The following PLPPR1 variants were observed in gnomAD, a reference collection of about 807,000 sequenced individuals.
PLPPR1 encodes phospholipid phosphatase-related protein type 1.
Under a neutral mutation model 33.1 loss-of-function variants are expected in PLPPR1, and 10 were observed. That is an observed-to-expected ratio of 0.30 (90% CI 0.19 to 0.51). The LOEUF (loss-of-function observed/expected upper bound fraction) is 0.51, where lower values mean the gene tolerates loss of function less well. Ranked by LOEUF, PLPPR1 falls within the 20% of genes least tolerant of loss-of-function variation. The pLI is 0.97. For synonymous variants in PLPPR1, 151 were observed against 151.0 expected (o/e 1.00, Z 0.00); for missense variants, 304 against 408.1 (o/e 0.74, Z 2.20).
Position 101,080,924 on chromosome 9 carries a change from G to A in PLPPR1, c.-46+51822G>A, listed in dbSNP as rs57324683. Among the ~76,000 whole-genome samples the A allele has an allele frequency of 7.2e-5, 11 of 152,282 alleles. No individual in the cohort carries two copies. The South Asian group carries it at 8.3e-4, about 11-fold the overall frequency. On this transcript the variant is annotated intron_variant, in intron 1 of 7. Coordinates refer to ENST00000374874, the MANE Select transcript of PLPPR1 (RefSeq NM_207299.2). ...CTAACACATCTTCCTGTGTTTAGCCGTATCATCTTTCTCCCTTTCAGAAGT... is the reference window on the plus strand; with the variant it reads ...CTAACACATCTTCCTGTGTTTAGCCATATCATCTTTCTCCCTTTCAGAAGT...
chr9:101,283,273 ACAAGGCTATTAGTAAC>A (rs747369481), intron 3 of PLPPR1, among the ~76,000 whole-genome samples: 38 of 152,348 alleles, frequency 2.5e-4, no homozygotes, highest in Non-Finnish European at 4.7e-4. Flanking sequence ...TAAATATACT[ACAAGGCTATTAGTAAC>A]CAAAACAACA....
chr9:101,301,761 T>A (rs2118942500), intron 4 of PLPPR1, among the ~76,000 whole-genome samples: 1 of 152,344 alleles, frequency 6.6e-6, no homozygotes, highest in African/African-American at 2.4e-5. Context: ...GTCAGATTCA[T>A]TGCTAAAGTG....
chr9:101,124,614 G>A (rs1278068752), intron 1 of PLPPR1, among the ~76,000 whole-genome samples: 2 of 152,104 alleles, frequency 1.3e-5, no homozygotes, highest in South Asian at 2.1e-4. Context: ...TGAGAAACAG[G>A]CCCCTTCTAA....
intron 6 of PLPPR1, 108 bp downstream of exon 6, chr9:101,313,082 G>T: frequency 1.1e-6 from 1 of 928,006 alleles, no homozygotes; most frequent in Non-Finnish European, 1.7e-6. Context: ...TCCCAACCTT[G>T]TGAATTACAA....
chr9:101,091,529 C>T (rs1349451400), intron 1 of PLPPR1, among the ~76,000 whole-genome samples: 4 of 152,128 alleles, frequency 2.6e-5, no homozygotes, highest in African/African-American at 9.7e-5. Context: ...TCTTACACTG[C>T]CAATTCCTCT....
intron 2 of PLPPR1, among the ~76,000 whole-genome samples, chr9:101,254,039 A>G (rs1051140693): frequency 6.6e-6 from 1 of 152,072 alleles, no homozygotes; most frequent in Non-Finnish European, 1.5e-5. Context: ...GAAAATCTAG[A>G]CCAGCAGTCC....
intron 1 of PLPPR1, among the ~76,000 whole-genome samples, chr9:101,076,144 C>T (rs543638997): frequency 6.6e-6 from 1 of 152,176 alleles, no homozygotes; most frequent in South Asian, 2.1e-4. Flanking sequence ...TCTCCAGGCC[C>T]ACCCCAGACC....
chr9:101,042,264 T>C (rs986190255), intron 1 of PLPPR1, among the ~76,000 whole-genome samples: 2 of 152,188 alleles, frequency 1.3e-5, no homozygotes, highest in African/African-American at 2.4e-5. Flanking sequence ...TGAAATCTTT[T>C]CCCTCTCTCA....
At chr9:101,218,673 TA>T (rs1259440595) in intron 2 of PLPPR1, among the ~76,000 whole-genome samples, 12 of 152,358 alleles carry the variant, frequency 7.9e-5, no homozygotes, top group African/African-American at 2.6e-4. Context: ...ATTAAAAGTT[TA>T]TTTCATTTTT....
At position 101,080,514 on chromosome 9, in the gene PLPPR1, C is replaced by G. The variant is rs117565399; in HGVS notation, c.-46+51412C>G. The stretch of plus-strand genomic sequence containing the variant: ...TGGGCAACAGAGTAAGACCCTGTTT[C>G]AAAAAATAAAATAAAAATAAACAAA... On this transcript the variant is annotated intron_variant, in intron 1 of 7. Transcript: ENST00000374874. Among the ~76,000 whole-genome samples, 12 of 152,088 alleles carry G rather than the reference C, an allele frequency of 7.9e-5. No individual in the cohort carries two copies. The East Asian group carries it at 2.3e-3, about 29-fold the overall frequency.
At chr9:101,211,509 A>G (rs1273535435) in intron 2 of PLPPR1, among the ~76,000 whole-genome samples, 3 of 152,176 alleles carry the variant, frequency 2.0e-5, no homozygotes, top group Admixed American at 6.5e-5. Flanking sequence ...ACTTGGTTCA[A>G]CTCTAGGGGT....
At chr9:101,270,296 G>GT (rs33958406) in intron 3 of PLPPR1, among the ~76,000 whole-genome samples, 21 of 151,330 alleles carry the variant, frequency 1.4e-4, no homozygotes, top group South Asian at 6.3e-4. Context: ...TTAAAAAGAT[G>GT]TTTTTTTTTA....
intron 4 of PLPPR1, among the ~76,000 whole-genome samples, chr9:101,291,697 C>T (rs1376420232): frequency 2.6e-5 from 4 of 152,200 alleles, no homozygotes; most frequent in Admixed American, 6.5e-5. Context: ...GAGTGGACCT[C>T]TAGCAAACTC....
At chr9:101,069,190 C>A (rs761968872) in intron 1 of PLPPR1, among the ~76,000 whole-genome samples, 34 of 151,964 alleles carry the variant, frequency 2.2e-4, no homozygotes, top group Non-Finnish European at 4.1e-4. Flanking sequence ...CTACAGCAGC[C>A]TGGCTCCTGA....
intron 3 of PLPPR1, among the ~76,000 whole-genome samples, chr9:101,281,838 CAGGT>C (rs1433032569): frequency 6.6e-6 from 1 of 151,962 alleles, no homozygotes; most frequent in African/African-American, 2.4e-5. Flanking sequence ...CTAGAAGAAA[CAGGT>C]AAGTTTCTGG....
chr9:101,255,260 A>C (rs1193980216), intron 2 of PLPPR1, among the ~76,000 whole-genome samples: 1 of 152,106 alleles, frequency 6.6e-6, no homozygotes, highest in Non-Finnish European at 1.5e-5. Flanking sequence ...TGGTATAAAT[A>C]CTGCAGCATG....
At chr9:101,259,309 C>G (rs977018870) in intron 2 of PLPPR1, among the ~76,000 whole-genome samples, 1 of 152,074 alleles carries the variant, frequency 6.6e-6, no homozygotes, top group South Asian at 2.1e-4. Flanking sequence ...GGACTCTATT[C>G]GAATGGTAGG....
At chr9:101,320,423 A>G (rs1829132466) in intron 7 of PLPPR1, among the ~76,000 whole-genome samples, 1 of 152,218 alleles carries the variant, frequency 6.6e-6, no homozygotes, top group South Asian at 2.1e-4. Flanking sequence ...ATACATATTG[A>G]TGGATGAATA....
chr9:101,200,872 A>T (rs1389733274), intron 2 of PLPPR1, among the ~76,000 whole-genome samples: 1 of 152,234 alleles, frequency 6.6e-6, no homozygotes, highest in Non-Finnish European at 1.5e-5. Flanking sequence ...ACAGAAAAAA[A>T]GTAAAGACTC....
Sources: gnomAD v4.1 joint callset for allele counts (sites outside exome capture counted in the v4.1 genomes callset) on GRCh38, gnomAD v4.1.1 for gene constraint, MANE v1.5 for transcripts, NCBI Gene and HGNC (gene_info 2026-07-23, HGNC 2026-07-21) for gene names.